The following SETDB2 variants were observed in gnomAD, a reference collection of about 807,000 sequenced individuals.
SETDB2 encodes histone-lysine N-methyltransferase SETDB2.
In SETDB2, 56 loss-of-function variants were observed where a neutral mutation model predicts 82.5. That is an observed-to-expected ratio of 0.68 (90% confidence interval 0.55 to 0.85). The LOEUF (loss-of-function observed/expected upper bound fraction) is 0.85, where lower values mean the gene tolerates loss of function less well. Among genes scored for constraint, SETDB2 ranks in the 40% least tolerant of loss-of-function variants. The pLI, the probability that SETDB2 is intolerant of heterozygous loss-of-function variation, is 0.00. For missense variants in SETDB2, 677 were observed against 816.4 expected (o/e 0.83, Z 2.08); for synonymous variants, 272 against 284.9 (o/e 0.95, Z 0.46).
chr13:49,475,611 G>A (rs1270971851), intron 5 of SETDB2, among the ~76,000 whole-genome samples: 3 of 151,380 alleles, frequency 2.0e-5, no homozygotes, highest in Non-Finnish European at 4.4e-5. Flanking sequence ...CTCAGCCCCC[G>A]AAGTAGCTGG....
At chr13:49,461,521 TTGG>T (rs1433873353) in intron 4 of SETDB2, among the ~76,000 whole-genome samples, 1 of 152,218 alleles carries the variant, frequency 6.6e-6, no homozygotes, top group African/African-American at 2.4e-5. Flanking sequence ...TATAGATAAG[TTGG>T]TGGGTAAATC....
At chr13:49,471,936 T>TATATATATATATATATATA (rs71664753) in intron 5 of SETDB2, among the ~76,000 whole-genome samples, 110 of 95,732 alleles carry the variant, frequency 1.1e-3, no homozygotes, top group African/African-American at 5.7e-3. Context: ...ATATATATAT[T>TATATATATATATATATATA]TTTTTTTTTT....
At chr13:49,482,632 G>T in intron 8 of SETDB2, 105 bp from the exon 9 acceptor site, 1 of 740,984 alleles carries the variant, frequency 1.3e-6, no homozygotes, top group Admixed American at 2.9e-5. Context: ...TATCTTCATT[G>T]TAGAATGTGT....
intron 4 of SETDB2, among the ~76,000 whole-genome samples, chr13:49,465,540 T>A (rs1002657015): frequency 1.1e-4 from 15 of 139,132 alleles, no homozygotes; most frequent in Non-Finnish European, 2.1e-4. Flanking sequence ...CAGAATCTAA[T>A]TTTTTTTTTT....
chr13:49,483,135 C>T (rs552598560), intron 9 of SETDB2, among the ~76,000 whole-genome samples, 173 bp downstream of exon 9: 33 of 152,108 alleles, frequency 2.2e-4, no homozygotes, highest in Non-Finnish European at 1.0e-4. Context: ...AGCCAATATA[C>T]CATCCTCAGT....
chr13:49,462,261 G>A (rs1958010997), intron 4 of SETDB2, among the ~76,000 whole-genome samples: 1 of 152,208 alleles, frequency 6.6e-6, no homozygotes, highest in Admixed American at 6.5e-5. Context: ...CATTAACCAT[G>A]CCTTTGTCAG....
intron 6 of SETDB2, among the ~76,000 whole-genome samples, chr13:49,479,930 G>A (rs1474764068): frequency 2.6e-5 from 4 of 152,150 alleles, no homozygotes; most frequent in African/African-American, 4.8e-5. Flanking sequence ...ACAAGCTTCT[G>A]TGCTGAACAG....
rs114739756 is a variant in SETDB2 at position 49,483,015 on chromosome 13, G to T, written c.1382+53G>T. ...AAATCTAAATTATTATCAATCAATT[G>T]GTTCTTTTTCATTCCTTCCCCTCTT... On this transcript the variant is annotated intron_variant, in intron 9 of 13. Coordinates refer to ENST00000611815, the MANE Select transcript of SETDB2 (RefSeq NM_001160308.3). 3,989 of 1,153,324 alleles carry T rather than the reference G, an allele frequency of 3.5e-3. 98 individuals carry two copies. In the African/African-American group the frequency reaches 0.054, roughly 16 times the overall value. The allele number at this position is 1,153,324 out of a possible 1,614,324, so 71.4% of individuals were successfully genotyped here. A position where few individuals can be genotyped will look rare whatever the true frequency, so the allele number is the denominator to read the frequency against.
chr13:49,489,643 C>T lies in SETDB2; in HGVS notation c.1917+1013C>T, dbSNP rs189202096. Among the ~76,000 whole-genome samples the T allele has an allele frequency of 2.3e-3, 295 of 128,064 alleles. 2 individuals carry two copies. In the East Asian group the frequency reaches 0.029, roughly 13 times the overall value. The allele number at this position is 128,064 out of a possible 152,430, so 84.0% of individuals were successfully genotyped here. On this transcript the variant is annotated intron_variant, in intron 12 of 13. Coordinates refer to ENST00000611815, the MANE Select transcript of SETDB2 (RefSeq NM_001160308.3). ...GACCGAGTCTTGCTCTGTCACCAGG[C>T]TGGAGTGCAGTGGTGTGATCTCGGC...
rs1958370712 is a variant in SETDB2, at chr13:49,476,676, ACT to A, written c.510_511del (p.His171PhefsTer9). 4 of 1,614,026 alleles carry A rather than the reference ACT, an allele frequency of 2.5e-6. No homozygotes were observed. The highest frequency in any genetic ancestry group is 2.5e-6 in the Non-Finnish European group (3 of 1,179,994). On this transcript the variant is annotated frameshift_variant, in exon 6 of 14. Transcript: ENST00000611815. LOFTEE classifies it high-confidence loss of function. ...TTCCAAAGACGACATGCAAAGACAAACTCTCATTCTTCAGCACTCCACGTGAG... is the reference window on the plus strand; with the variant it reads ...TTCCAAAGACGACATGCAAAGACAAACTCATTCTTCAGCACTCCACGTGAG...
intron 2 of SETDB2, 103 bp downstream of exon 2, chr13:49,452,012 C>A: frequency 2.5e-6 from 2 of 790,196 alleles, no homozygotes; most frequent in Non-Finnish European, 1.9e-6. Context: ...TTGCGAGGAA[C>A]TTTTCTGAAT....
chr13:49,474,518 G>T (rs921887489), intron 5 of SETDB2, among the ~76,000 whole-genome samples: 4 of 152,192 alleles, frequency 2.6e-5, no homozygotes, highest in Non-Finnish European at 4.4e-5. Context: ...ATCTTTACGT[G>T]TATGAAATTG....
At chr13:49,450,400 A>G (rs906435620) in intron 1 of SETDB2, among the ~76,000 whole-genome samples, 1 of 151,538 alleles carries the variant, frequency 6.6e-6, no homozygotes, top group Non-Finnish European at 1.5e-5. Context: ...TATTTCAACA[A>G]CTGTTTTTAT....
At chr13:49,489,596 CTTT>C (rs58715452) in intron 12 of SETDB2, among the ~76,000 whole-genome samples, 29 of 100,558 alleles carry the variant, frequency 2.9e-4, no homozygotes, top group African/African-American at 1.1e-3. Context: ...CATATTTATT[CTTT>C]TTTTTTTTTT....
intron 12 of SETDB2, chr13:49,488,973 C>T (rs1163496991): frequency 5.8e-6 from 1 of 171,944 alleles, no homozygotes; most frequent in Non-Finnish European, 1.3e-5. Flanking sequence ...TTTAAATAAG[C>T]TCACTTACCT....
intron 1 of SETDB2, chr13:49,445,447 A>G (rs538992661): frequency 6.6e-6 from 1 of 152,338 alleles, no homozygotes; most frequent in African/African-American, 2.4e-5. Context: ...AGAAGGGGAA[A>G]AAAGTTTTTT....
At position 49,488,333 on chromosome 13, in the gene SETDB2, G is replaced by A. The variant is rs1271304725; in HGVS notation, c.1620G>A (p.Leu540=). The change falls in exon 12 of 14, where the codon CTG becomes CTA. Residue 540 remains leucine, a synonymous_variant. Transcript: ENST00000611815. ...SNHVDEFEDN[L]LIESDVIDIT... ...ATGTTGATGAGTTTGAAGATAATCT[G>A]CTGATTGAATCAGATGTGATAGATA... 5.0e-6 allele frequency: 8 copies of A among 1,601,916 alleles called. No homozygotes were observed. The highest frequency in any genetic ancestry group is 1.8e-5 in the Admixed American group (1 of 56,672).
At position 49,476,682 on chromosome 13, in the gene SETDB2, A is replaced by G; in HGVS notation, c.512A>G (p.His171Arg). ...FQRRHAKTNS[H>R]SSALHVSYKT... Reference sequence around the variant, plus strand: ...AGACGACATGCAAAGACAAACTCTCATTCTTCAGCACTCCACGTGAGTTAT... The same window carrying G: ...AGACGACATGCAAAGACAAACTCTCGTTCTTCAGCACTCCACGTGAGTTAT... The change falls in exon 6 of 14, where the codon CAT (histidine) becomes CGT (arginine). Residue 171 changes from histidine to arginine, a missense_variant. His to Arg is a conservative substitution (Grantham distance 29). Around this residue, in one of 3 missense-constraint regions of SETDB2, gnomAD observed 243 missense variants for 237.2 expected, o/e 1.02. Transcript: ENST00000611815. 6.2e-7 allele frequency: 1 copy of G among 1,614,232 alleles called. No individual in the cohort carries two copies. The highest frequency in any genetic ancestry group is 1.1e-5 in the South Asian group (1 of 91,088).
At chr13:49,486,841 C>T (rs1032215780) in intron 11 of SETDB2, among the ~76,000 whole-genome samples, 1 of 152,078 alleles carries the variant, frequency 6.6e-6, no homozygotes, top group Non-Finnish European at 1.5e-5. Flanking sequence ...GAGAGATATC[C>T]GTTTGTGAAG....
Sources: gnomAD v4.1 joint callset for allele counts (sites outside exome capture counted in the v4.1 genomes callset) on GRCh38, gnomAD v4.1.1 for gene constraint, gnomAD v4.1.1 regional missense constraint, MANE v1.5 for transcripts, NCBI Gene and HGNC (gene_info 2026-07-23, HGNC 2026-07-21) for gene names.